RBMS3: variants seen among roughly 807,000 people sequenced by gnomAD.
The protein encoded by RBMS3 is RNA binding motif single stranded interacting protein 3.
RBMS3 carries 27 observed loss-of-function variants against 66.8 expected under a neutral mutation model. The observed-to-expected ratio is 0.40, with a 90% CI of 0.30 to 0.56. The LOEUF (loss-of-function observed/expected upper bound fraction) is 0.56, where lower values mean the gene tolerates loss of function less well. RBMS3 is among the 20% of genes least tolerant of loss of function. The probability of loss-of-function intolerance (pLI) is 0.40; values close to 1 mark genes in which losing one functional copy is unlikely to be tolerated. For missense variants in RBMS3, 513 were observed against 549.5 expected (o/e 0.93, Z 0.66); for synonymous variants, 188 against 183.0 (o/e 1.03, Z -0.22).
chr3:29,918,378 G>C (rs2060690383), intron 10 of RBMS3, among the ~76,000 whole-genome samples: 1 of 152,004 alleles, frequency 6.6e-6, no homozygotes, highest in South Asian at 2.1e-4. Context: ...GGAGTTTTAT[G>C]ATTTAGCTAA....
chr3:29,654,521 CGTGTGTGTGTGT>C (rs56163408), intron 4 of RBMS3, among the ~76,000 whole-genome samples: 10,646 of 118,938 alleles, frequency 0.09, 480 homozygotes, highest in Middle Eastern at 0.17. Flanking sequence ...GAATTGGATT[CGTGTGTGTGTGT>C]GTGTGTGTGT....
intron 2 of RBMS3, among the ~76,000 whole-genome samples, chr3:29,469,595 A>G (rs2042650432): frequency 6.7e-6 from 1 of 150,298 alleles, no homozygotes; most frequent in Non-Finnish European, 1.5e-5. Context: ...TTAAGTAAAA[A>G]AAAAGTTGTA....
intron 1 of RBMS3, among the ~76,000 whole-genome samples, chr3:29,372,428 A>G (rs543524247): frequency 4.4e-4 from 67 of 152,330 alleles, no homozygotes; most frequent in Non-Finnish European, 7.1e-4. Context: ...GAGATAAGCT[A>G]AAGTGTCATT....
intron 4 of RBMS3, among the ~76,000 whole-genome samples, chr3:29,650,918 G>T (rs575851097): frequency 6.6e-6 from 1 of 152,188 alleles, no homozygotes; most frequent in South Asian, 2.1e-4. Context: ...TAGGAATGCT[G>T]GTTTATTCAC....
rs534901246 is a variant in RBMS3 at position 29,913,571 on chromosome 3, T to C, written c.939+13816T>C. On this transcript the variant is annotated intron_variant, in intron 10 of 14. Transcript: ENST00000383767. ...GAAAGAGGATTAGTCCTCATCTATGTTAAAAAGAACATTGTGCTCTTGGCT... is the reference window on the plus strand; with the variant it reads ...GAAAGAGGATTAGTCCTCATCTATGCTAAAAAGAACATTGTGCTCTTGGCT... Among the ~76,000 whole-genome samples, 12 of 152,126 alleles carry C rather than the reference T, an allele frequency of 7.9e-5. No homozygotes were observed. The East Asian group carries it at 2.1e-3, about 27-fold the overall frequency.
At chr3:29,973,562 C>A (rs544368283) in intron 12 of RBMS3, among the ~76,000 whole-genome samples, 58 of 151,984 alleles carry the variant, frequency 3.8e-4, no homozygotes, top group African/African-American at 1.3e-3. Context: ...TAATACTTGG[C>A]ATATAATAGG....
chr3:29,673,794 A>G (rs2051110562), intron 4 of RBMS3, among the ~76,000 whole-genome samples: 1 of 152,186 alleles, frequency 6.6e-6, no homozygotes, highest in Admixed American at 6.5e-5. Context: ...CCAGGACCAG[A>G]CGGATTCACA....
intron 1 of RBMS3, among the ~76,000 whole-genome samples, chr3:29,362,469 C>A (rs1325250235): frequency 1.3e-5 from 2 of 152,160 alleles, no homozygotes; most frequent in Admixed American, 1.3e-4. Flanking sequence ...CTGGGGGCTG[C>A]CTCCCAGATA....
intron 1 of RBMS3, among the ~76,000 whole-genome samples, chr3:29,310,803 G>A (rs2125465415): frequency 1.3e-5 from 2 of 151,830 alleles, no homozygotes; most frequent in South Asian, 2.1e-4. Context: ...TCAGGGAGCA[G>A]CATCTGGCAT....
chr3:29,661,558 A>G (rs573320724), intron 4 of RBMS3, among the ~76,000 whole-genome samples: 3 of 151,806 alleles, frequency 2.0e-5, no homozygotes, highest in African/African-American at 7.3e-5. Flanking sequence ...AATATCATTT[A>G]TTTTTTCCCC....
At chr3:29,313,787 G>A (rs1480472074) in intron 1 of RBMS3, among the ~76,000 whole-genome samples, 1 of 151,664 alleles carries the variant, frequency 6.6e-6, no homozygotes, top group Non-Finnish European at 1.5e-5. Context: ...GTTTATAGAT[G>A]GATAGTATGC....
intron 12 of RBMS3, among the ~76,000 whole-genome samples, chr3:29,979,073 A>G (rs1290957235): frequency 6.6e-6 from 1 of 152,004 alleles, no homozygotes; most frequent in East Asian, 1.9e-4. Context: ...TTGAGGTTAC[A>G]GTGAGCTATG....
chr3:29,412,527 G>A (rs1194345771), intron 1 of RBMS3, among the ~76,000 whole-genome samples: 1 of 152,088 alleles, frequency 6.6e-6, no homozygotes, highest in Non-Finnish European at 1.5e-5. Context: ...TATAATTGGG[G>A]GTTAGGTTGA....
intron 1 of RBMS3, among the ~76,000 whole-genome samples, chr3:29,383,114 A>G (rs1290573905): frequency 6.6e-6 from 1 of 152,226 alleles, no homozygotes; most frequent in African/African-American, 2.4e-5. Flanking sequence ...AAGGTCATAG[A>G]TGATGTATTC....
intron 6 of RBMS3, among the ~76,000 whole-genome samples, chr3:29,774,189 G>A (rs1198833033): frequency 2.6e-5 from 4 of 152,072 alleles, no homozygotes; most frequent in African/African-American, 9.6e-5. Flanking sequence ...TTTCAAAAGT[G>A]AATATAAAAT....
rs1216655940 is a variant in RBMS3, at chr3:29,816,309, CAG to C, written c.638-52547_638-52546del. On this transcript the variant is annotated intron_variant, in intron 6 of 14. Coordinates refer to ENST00000383767, the MANE Select transcript of RBMS3 (RefSeq NM_001003793.3). ...ACACACAGACACACACAGACACACA[CAG>C]ACACACACACACACACACACACACA... 2.7e-3 allele frequency among the ~76,000 whole-genome samples: 106 copies of C among 38,898 alleles called. 1 individual carries two copies. The highest frequency in any genetic ancestry group is 8.8e-3 in the African/African-American group (96 of 10,850). 25.5% of individuals were successfully genotyped at this position (38,898 alleles called of 152,430 possible).
chr3:29,560,656 T>C (rs986176835), intron 3 of RBMS3, among the ~76,000 whole-genome samples: 2 of 152,236 alleles, frequency 1.3e-5, no homozygotes, highest in Non-Finnish European at 2.9e-5. Flanking sequence ...AAGAATGTTG[T>C]GATTTTGAAA....
At chr3:29,467,429 CAT>C (rs1273687744) in intron 2 of RBMS3, among the ~76,000 whole-genome samples, 1 of 152,142 alleles carries the variant, frequency 6.6e-6, no homozygotes, top group Admixed American at 6.6e-5. Flanking sequence ...TGCTTACATA[CAT>C]ATGTGTGTCA....
intron 3 of RBMS3, among the ~76,000 whole-genome samples, chr3:29,570,604 A>T (rs1053313628): frequency 1.3e-5 from 2 of 152,092 alleles, no homozygotes; most frequent in African/African-American, 4.8e-5. Context: ...GGCTTATTTC[A>T]CTTAATGTAA....
Sources: allele counts gnomAD v4.1 joint callset (sites outside exome capture counted in the v4.1 genomes callset), GRCh38; gene constraint gnomAD v4.1.1; transcripts MANE v1.5; gene names NCBI Gene and HGNC (gene_info 2026-07-23, HGNC 2026-07-21).